CLDN12: variants seen among roughly 807,000 people sequenced by gnomAD.
CLDN12 encodes claudin-12.
A neutral mutation model predicts 15.5 loss-of-function variants in CLDN12; 9 were observed. That is an observed-to-expected ratio of 0.58 (90% confidence interval 0.35 to 1.02). The LOEUF is 1.02. Among genes scored for constraint, CLDN12 ranks in the 50% least tolerant of loss-of-function variants. The probability of loss-of-function intolerance (pLI) is 0.02; values close to 1 mark genes in which losing one functional copy is unlikely to be tolerated. For missense variants in CLDN12, 233 were observed against 297.3 expected, an observed-to-expected ratio of 0.78 and a Z score of 1.59; for synonymous variants, 140 against 121.6, an observed-to-expected ratio of 1.15 and a Z score of -1.00.
At chr7:90,406,600 A>C (rs1779105951) in intron 2 of CLDN12, among the ~76,000 whole-genome samples, 1 of 152,226 alleles carries the variant, frequency 6.6e-6, no homozygotes, top group Non-Finnish European at 1.5e-5. Context: ...CTGGTTTACA[A>C]AGGACTTTGC....
At chr7:90,408,500 C>T (rs1796888537) in intron 2 of CLDN12, among the ~76,000 whole-genome samples, 1 of 152,038 alleles carries the variant, frequency 6.6e-6, no homozygotes, top group African/African-American at 2.4e-5. Flanking sequence ...TAGAGTAAGA[C>T]CCTGTCTTAA....
intron 2 of CLDN12, among the ~76,000 whole-genome samples, chr7:90,407,202 A>G (rs1431894967): frequency 6.6e-6 from 1 of 152,170 alleles, no homozygotes. Context: ...CGCGCCAGGA[A>G]TAATTGACTT....
At chr7:90,404,029 C>CGGAGGGGGGA (rs1796785882) in intron 1 of CLDN12, among the ~76,000 whole-genome samples, 1 of 9,902 alleles carries the variant, frequency 1.0e-4, no homozygotes, top group Non-Finnish European at 1.9e-4. Flanking sequence ...GGAGAGGAGG[C>CGGAGGGGGGA]GGAGGGGGGA....
chr7:90,403,994 C>T (rs1015279887), intron 1 of CLDN12, among the ~76,000 whole-genome samples: 4 of 130,748 alleles, frequency 3.1e-5, no homozygotes, highest in Admixed American at 2.8e-4. Flanking sequence ...CTACCACACA[C>T]AGGGCTCTTC....
intron 2 of CLDN12, among the ~76,000 whole-genome samples, chr7:90,406,367 G>A (rs548023837): frequency 2.6e-5 from 4 of 152,104 alleles, no homozygotes; most frequent in African/African-American, 9.6e-5. Flanking sequence ...TCTGAGTCAC[G>A]GTGGAACAGA....
Position 90,403,537 on chromosome 7 carries a change from G to GT in CLDN12, c.-178dup, listed in dbSNP as rs1796777188. 1 of 152,194 alleles carries GT rather than the reference G, an allele frequency of 6.6e-6. No individual in the cohort carries two copies. The highest frequency in any genetic ancestry group is 1.5e-5 in the Non-Finnish European group (1 of 68,046). The allele number at this position is 152,194 out of a possible 1,614,324, so 9.4% of individuals were successfully genotyped here. A position where few individuals can be genotyped will look rare whatever the true frequency, so the allele number is the denominator to read the frequency against. ...AGTGTGGGCGAGTAAAATGCCCTGCGTGTGAGAAGCAGGTAGGTGTGGTCA... is the reference window on the plus strand; with the variant it reads ...AGTGTGGGCGAGTAAAATGCCCTGCGTTGTGAGAAGCAGGTAGGTGTGGTCA... On this transcript the variant is annotated 5_prime_UTR_variant, in exon 1 of 4. The change abolishes the stop of an existing upstream ORF in the 5' untranslated region. Coordinates refer to ENST00000496677, the MANE Select transcript of CLDN12 (RefSeq NM_001185072.3).
chr7:90,413,647 TA>T lies in CLDN12; in HGVS notation c.*237del. On this transcript the variant is annotated 3_prime_UTR_variant, in exon 4 of 4. Coordinates refer to ENST00000496677, the MANE Select transcript of CLDN12 (RefSeq NM_001185072.3). ...GAAGGAATTTTAGCCTTCATATTGA[TA>T]TCTAATTAATTATTTAAGTGGAAGA... 4 of 1,283,206 alleles carry T rather than the reference TA, an allele frequency of 3.1e-6. No individual in the cohort carries two copies. The highest frequency in any genetic ancestry group is 4.0e-6 in the Non-Finnish European group (4 of 1,009,886). The allele number at this position is 1,283,206 out of a possible 1,614,324, so 79.5% of individuals were successfully genotyped here. A position where few individuals can be genotyped will look rare whatever the true frequency, so the allele number is the denominator to read the frequency against.
chr7:90,414,509 G>T lies in CLDN12; in HGVS notation c.*1098G>T, dbSNP rs1361115269. The stretch of plus-strand genomic sequence containing the variant: ...TTCCATCCAGTAAGACATTTTAATA[G>T]AGAAGATCAAAATGTTACCTGGCAG... On this transcript the variant is annotated 3_prime_UTR_variant, in exon 4 of 4. Coordinates refer to ENST00000496677, the MANE Select transcript of CLDN12 (RefSeq NM_001185072.3). 2.2e-5 allele frequency: 13 copies of T among 588,652 alleles called. No homozygotes were observed. Among genetic ancestry groups the T allele is most frequent in the Non-Finnish European group, 2.6e-5 (12 of 454,018 alleles). 36.5% of individuals were successfully genotyped at this position (588,652 alleles called of 1,614,324 possible). A position where few individuals can be genotyped will look rare whatever the true frequency, so the allele number is the denominator to read the frequency against.
intron 3 of CLDN12, chr7:90,412,378 A>ATT (rs1335494523): frequency 5.7e-6 from 2 of 348,950 alleles, no homozygotes. Flanking sequence ...TGTTTTTTTA[A>ATT]TTGTGAAGAA....
intron 2 of CLDN12, 63 bp from the exon 3 acceptor site, chr7:90,411,944 T>G (rs1796972295): frequency 6.6e-6 from 1 of 152,226 alleles, no homozygotes; most frequent in East Asian, 1.9e-4. Context: ...GACATTATAT[T>G]ATCTCATTGA....
intron 1 of CLDN12, among the ~76,000 whole-genome samples, chr7:90,404,253 C>T (rs371027080): frequency 6.6e-6 from 1 of 150,986 alleles, no homozygotes; most frequent in African/African-American, 2.4e-5. Flanking sequence ...ATGATTGATA[C>T]CAACCCAAGA....
In CLDN12 at chr7:90,413,323, G is replaced by A. The variant is rs376598671; in HGVS notation, c.647G>A (p.Ser216Asn). Residue 216 changes from serine (S) to asparagine (N), a missense_variant, in exon 4 of 4, where the codon AGT (serine) becomes AAT (asparagine). By Grantham distance (46) the Ser-to-Asn change is conservative. Transcript: ENST00000496677. ...CAACCATTGTACTCCCATCCACCCA[G>A]TATGCATACTTACTCACAGCCCTAT... ...FWQPLYSHPP[S>N]MHTYSQPYSA... 5 of 1,613,980 alleles carry A rather than the reference G, an allele frequency of 3.1e-6. No homozygotes were observed. In the African/African-American group the frequency reaches 6.7e-5, roughly 22 times the overall value.
intron 2 of CLDN12, among the ~76,000 whole-genome samples, chr7:90,409,771 T>C (rs1423557232): frequency 1.3e-5 from 2 of 152,204 alleles, no homozygotes; most frequent in Non-Finnish European, 2.9e-5. Context: ...AATTATACAG[T>C]TGATTCACCA....
At chr7:90,404,982 T>C (rs1796806622) in intron 1 of CLDN12, among the ~76,000 whole-genome samples, 1 of 151,954 alleles carries the variant, frequency 6.6e-6, no homozygotes, top group Non-Finnish European at 1.5e-5. Context: ...GTCCTCAAAC[T>C]CCTGGGCTCA....
At chr7:90,411,002 AAAAG>A (rs750562078) in intron 2 of CLDN12, among the ~76,000 whole-genome samples, 10 of 152,162 alleles carry the variant, frequency 6.6e-5, no homozygotes, top group South Asian at 2.1e-4. Context: ...TTTCAAAAAA[AAAAG>A]AAAGAAAAAG....
chr7:90,407,498 G>A (rs1319302469), intron 2 of CLDN12, among the ~76,000 whole-genome samples: 1 of 152,188 alleles, frequency 6.6e-6, no homozygotes, highest in South Asian at 2.1e-4. Context: ...ATTCTGACCA[G>A]AGTTATACAG....
At chr7:90,409,413 G>C (rs951820186) in intron 2 of CLDN12, among the ~76,000 whole-genome samples, 2 of 152,076 alleles carry the variant, frequency 1.3e-5, no homozygotes, top group East Asian at 1.9e-4. Context: ...GTAGAGATGG[G>C]GTTTCACCAT....
chr7:90,404,097 G>A (rs777798441), intron 1 of CLDN12, among the ~76,000 whole-genome samples: 4 of 152,084 alleles, frequency 2.6e-5, no homozygotes, highest in Non-Finnish European at 4.4e-5. Context: ...TTTCCTGTAA[G>A]TTCTGTGCAC....
intron 2 of CLDN12, among the ~76,000 whole-genome samples, chr7:90,410,384 A>G (rs1342704484): frequency 6.6e-6 from 1 of 152,218 alleles, no homozygotes; most frequent in African/African-American, 2.4e-5. Flanking sequence ...ATACTAATGG[A>G]AAAACTTAGA....
Sources: allele counts gnomAD v4.1 joint callset (sites outside exome capture counted in the v4.1 genomes callset), GRCh38; gene constraint gnomAD v4.1.1; transcripts MANE v1.5; gene names NCBI Gene and HGNC (gene_info 2026-07-23, HGNC 2026-07-21).